Variants in GPC5 observed in about 807,000 individuals in gnomAD.
GPC5 encodes glypican-5.
GPC5 carries 47 observed loss-of-function variants against 53.9 expected under a neutral mutation model. That is an observed-to-expected ratio of 0.87 (90% CI 0.69 to 1.11). The LOEUF (loss-of-function observed/expected upper bound fraction) is 1.11. Among genes scored for constraint, GPC5 ranks in the 50% most tolerant of loss-of-function variants. The probability of loss-of-function intolerance (pLI) is 0.00; values close to 1 mark genes in which losing one functional copy is unlikely to be tolerated. For missense variants in GPC5, 748 were observed against 713.1 expected (o/e 1.05, Z -0.56); for synonymous variants, 286 against 263.3 (o/e 1.09, Z -0.84).
intron 7 of GPC5, among the ~76,000 whole-genome samples, chr13:92,260,769 T>G (rs540549191): frequency 6.6e-6 from 1 of 152,202 alleles, no homozygotes; most frequent in Non-Finnish European, 1.5e-5. Context: ...GTAGAAAGAC[T>G]GATAAAACAT....
intron 6 of GPC5, among the ~76,000 whole-genome samples, chr13:91,965,680 C>T (rs1405601839): frequency 6.6e-6 from 1 of 152,104 alleles, no homozygotes; most frequent in Non-Finnish European, 1.5e-5. Flanking sequence ...AAATCAGCAA[C>T]CAGAAAGGGG....
chr13:91,419,229 C>T (rs1385705049), intron 1 of GPC5, among the ~76,000 whole-genome samples: 2 of 151,954 alleles, frequency 1.3e-5, no homozygotes, highest in Non-Finnish European at 2.9e-5. Context: ...TATTCTAGCT[C>T]TTTTGATATT....
chr13:91,748,961 A>C (rs1049315123), intron 4 of GPC5, among the ~76,000 whole-genome samples: 4 of 151,706 alleles, frequency 2.6e-5, no homozygotes, highest in African/African-American at 9.7e-5. Flanking sequence ...GAGAAGGGGG[A>C]CTGTCATGGA....
At chr13:91,431,424 G>T (rs1299456228) in intron 1 of GPC5, among the ~76,000 whole-genome samples, 1 of 152,136 alleles carries the variant, frequency 6.6e-6, no homozygotes, top group Non-Finnish European at 1.5e-5. Context: ...TAGTATATTA[G>T]CTATTCATTG....
chr13:92,014,031 T>G (rs1012032038), intron 6 of GPC5, among the ~76,000 whole-genome samples: 1 of 152,172 alleles, frequency 6.6e-6, no homozygotes, highest in African/African-American at 2.4e-5. Context: ...TCCAAAAAAT[T>G]GAGACTTCTA....
rs188308439 is a variant in GPC5, at chr13:92,275,282, C to T, written c.1561+130293C>T. On this transcript the variant is annotated intron_variant, in intron 7 of 7. Transcript: ENST00000377067. The stretch of plus-strand genomic sequence containing the variant: ...ATTTTTTCTAATATTTTGAAATCTA[C>T]ATTACAAATGCAACATGGATCCAGA... Among the ~76,000 whole-genome samples, 563 of 152,170 alleles carry T rather than the reference C, an allele frequency of 3.7e-3. 5 individuals are homozygous for T. Among genetic ancestry groups the T allele is most frequent in the African/African-American group, 0.012 (500 of 41,516 alleles).
intron 7 of GPC5, among the ~76,000 whole-genome samples, chr13:92,269,242 GTA>G (rs1005857895): frequency 6.6e-6 from 1 of 152,144 alleles, no homozygotes; most frequent in African/African-American, 2.4e-5. Context: ...CTAGGTGGTA[GTA>G]TATACTTTCA....
At chr13:92,557,711 C>T (rs1404349789) in intron 7 of GPC5, among the ~76,000 whole-genome samples, 1 of 151,908 alleles carries the variant, frequency 6.6e-6, no homozygotes, top group Non-Finnish European at 1.5e-5. Context: ...GTGGATAAGT[C>T]AGAGTTCTGA....
chr13:91,502,718 C>T (rs1172463248), intron 2 of GPC5, among the ~76,000 whole-genome samples: 2 of 152,212 alleles, frequency 1.3e-5, no homozygotes, highest in Non-Finnish European at 2.9e-5. Flanking sequence ...AGCTAAAATG[C>T]ATGGAGCCTT....
At chr13:91,692,027 A>C (rs1276954593) in intron 2 of GPC5, among the ~76,000 whole-genome samples, 1 of 152,146 alleles carries the variant, frequency 6.6e-6, no homozygotes, top group African/African-American at 2.4e-5. Context: ...CTGTTGCTTA[A>C]TGCCTCATTT....
chr13:92,205,486 G>A (rs571305681), intron 7 of GPC5, among the ~76,000 whole-genome samples: 1 of 152,146 alleles, frequency 6.6e-6, no homozygotes, highest in South Asian at 2.1e-4. Flanking sequence ...AAGACTCTCC[G>A]ATCATTCCTC....
intron 2 of GPC5, among the ~76,000 whole-genome samples, chr13:91,633,991 T>C (rs983244155): frequency 1.3e-5 from 2 of 152,198 alleles, no homozygotes; most frequent in Middle Eastern, 3.4e-3. Flanking sequence ...CAATATTGCT[T>C]TTATGAATAA....
intron 6 of GPC5, 22 bp downstream of exon 6, chr13:91,908,079 A>C: frequency 6.8e-7 from 1 of 1,464,674 alleles, no homozygotes; most frequent in Non-Finnish European, 9.0e-7. Context: ...TCCTATATTT[A>C]TTAGTATACT....
chr13:92,095,467 C>T lies in GPC5; in HGVS notation c.1402-49363C>T, dbSNP rs867646691. On this transcript the variant is annotated intron_variant, in intron 6 of 7. Coordinates refer to ENST00000377067, the MANE Select transcript of GPC5 (RefSeq NM_004466.6). The stretch of plus-strand genomic sequence containing the variant: ...GGTTCAAGCAATTCTCCTGTCTCAG[C>T]CTCCCTTGTAGCTGGGACTACAGGT... Among the ~76,000 whole-genome samples, 12 of 152,264 alleles carry T rather than the reference C, an allele frequency of 7.9e-5. No individual in the cohort carries two copies. The South Asian group carries it at 1.4e-3, about 18-fold the overall frequency.
intron 6 of GPC5, among the ~76,000 whole-genome samples, chr13:92,048,135 A>G (rs1369508538): frequency 6.6e-6 from 1 of 152,130 alleles, no homozygotes; most frequent in Non-Finnish European, 1.5e-5. Context: ...CCAAATAATC[A>G]AGGTTCAGCC....
chr13:91,745,747 T>C (rs1294723664), intron 4 of GPC5, among the ~76,000 whole-genome samples: 1 of 152,134 alleles, frequency 6.6e-6, no homozygotes, highest in Non-Finnish European at 1.5e-5. Context: ...AAATTTTTTT[T>C]CTTTTGAATC....
chr13:92,345,324 G>A (rs530488580), intron 7 of GPC5, among the ~76,000 whole-genome samples: 23 of 152,206 alleles, frequency 1.5e-4, no homozygotes, highest in African/African-American at 1.9e-4. Context: ...TTGAATGTAC[G>A]TAATATAAAG....
At chr13:92,773,174 T>C (rs1488615541) in intron 7 of GPC5, among the ~76,000 whole-genome samples, 1 of 152,174 alleles carries the variant, frequency 6.6e-6, no homozygotes, top group Non-Finnish European at 1.5e-5. Flanking sequence ...ATATATTGCT[T>C]CTGAAATAAA....
intron 5 of GPC5, among the ~76,000 whole-genome samples, chr13:91,862,788 A>T (rs1202699982): frequency 6.6e-6 from 1 of 152,136 alleles, no homozygotes; most frequent in East Asian, 1.9e-4. Flanking sequence ...CAATAGTCCC[A>T]ATAATGTTTC....
Sources: gnomAD v4.1 joint callset for allele counts (sites outside exome capture counted in the v4.1 genomes callset) on GRCh38, gnomAD v4.1.1 for gene constraint, MANE v1.5 for transcripts, NCBI Gene and HGNC (gene_info 2026-07-23, HGNC 2026-07-21) for gene names.